WARS2: variants seen among roughly 807,000 people sequenced by gnomAD.
The protein encoded by WARS2 is tryptophan--tRNA ligase, mitochondrial.
A neutral mutation model predicts 36.5 loss-of-function variants in WARS2; 28 were observed. That is an observed-to-expected ratio of 0.77 (90% CI 0.57 to 1.05). The LOEUF is 1.05. WARS2 is among the 50% of genes least tolerant of loss of function. WARS2 has a pLI of 0.00. For missense variants in WARS2, 435 were observed against 456.8 expected (o/e 0.95, Z 0.44); for synonymous variants, 174 against 178.4 (o/e 0.98, Z 0.20).
At chr1:119,125,241 T>C (rs914630878) in intron 1 of WARS2, among the ~76,000 whole-genome samples, 3 of 152,146 alleles carry the variant, frequency 2.0e-5, no homozygotes, top group Admixed American at 6.5e-5. Flanking sequence ...GATGTCTACT[T>C]TGTACATGTT....
At chr1:119,103,115 T>A (rs1653987430) in intron 1 of WARS2, among the ~76,000 whole-genome samples, 1 of 152,248 alleles carries the variant, frequency 6.6e-6, no homozygotes, top group Non-Finnish European at 1.5e-5. Context: ...TTACCACTTG[T>A]GTCAAAGAAT....
intron 2 of WARS2, among the ~76,000 whole-genome samples, chr1:119,076,056 A>G (rs1031590819): frequency 1.3e-5 from 2 of 152,258 alleles, no homozygotes; most frequent in Admixed American, 6.5e-5. Context: ...GCAACCCAGC[A>G]TAGCAAAACA....
chr1:119,035,659 T>C (rs1252778517), intron 4 of WARS2, among the ~76,000 whole-genome samples: 1 of 152,166 alleles, frequency 6.6e-6, no homozygotes, highest in Non-Finnish European at 1.5e-5. Flanking sequence ...AGAGCTGACA[T>C]ACCACAAATA....
intron 1 of WARS2, among the ~76,000 whole-genome samples, chr1:119,138,907 G>A (rs1408838166): frequency 4.6e-5 from 7 of 152,122 alleles, no homozygotes; most frequent in Non-Finnish European, 8.8e-5. Flanking sequence ...CAATAGTAGA[G>A]GTTTAAGAAA....
chr1:119,048,009 C>A (rs1414081444), intron 2 of WARS2, among the ~76,000 whole-genome samples: 1 of 152,110 alleles, frequency 6.6e-6, no homozygotes, highest in East Asian at 1.9e-4. Flanking sequence ...ATACAATGTA[C>A]CTCAGGAAAT....
chr1:119,066,477 CAAAAAAAAAAA>C (rs34709639), intron 2 of WARS2, among the ~76,000 whole-genome samples: 32 of 46,498 alleles, frequency 6.9e-4, no homozygotes, highest in Admixed American at 1.1e-3. Context: ...GGCTCTGTCT[CAAAAAAAAAAA>C]AAAAAAAAAA....
intron 1 of WARS2, among the ~76,000 whole-genome samples, chr1:119,081,574 A>G (rs1304339277): frequency 6.6e-6 from 1 of 152,236 alleles, no homozygotes; most frequent in African/African-American, 2.4e-5. Flanking sequence ...CACAGATTGT[A>G]ATAAAAAAGT....
At chr1:119,038,839 C>A (rs922063825) in intron 4 of WARS2, among the ~76,000 whole-genome samples, 1 of 152,068 alleles carries the variant, frequency 6.6e-6, no homozygotes, top group Admixed American at 6.5e-5. Context: ...CACCACCACG[C>A]CCGGCTAATT....
At chr1:119,077,260 A>G (rs587677351) in intron 1 of WARS2, among the ~76,000 whole-genome samples, 1 of 152,304 alleles carries the variant, frequency 6.6e-6, no homozygotes, top group East Asian at 1.9e-4. Context: ...CCAGTTTGGA[A>G]TGATACAGAA....
At chr1:119,092,675 T>A (rs1330840860) in intron 1 of WARS2, among the ~76,000 whole-genome samples, 1 of 152,236 alleles carries the variant, frequency 6.6e-6, no homozygotes, top group Non-Finnish European at 1.5e-5. Flanking sequence ...TTACTAGCTA[T>A]GTGATCTTTG....
chr1:119,110,608 T>C (rs1404546492), intron 1 of WARS2, among the ~76,000 whole-genome samples: 1 of 152,010 alleles, frequency 6.6e-6, no homozygotes, highest in East Asian at 1.9e-4. Context: ...GGTATAGTTT[T>C]GGGGGTTTTA....
chr1:119,117,025 GGCTAAGGCAAGATCTCA>G (rs1420206043), intron 1 of WARS2, among the ~76,000 whole-genome samples: 2 of 152,308 alleles, frequency 1.3e-5, no homozygotes, highest in African/African-American at 4.8e-5. Flanking sequence ...GAGGCTTTTA[GGCTAAGGCAAGATCTCA>G]GCCCTGCTCT....
chr1:119,118,049 A>T lies in WARS2; in HGVS notation c.90+22506T>A, dbSNP rs181806707. 3.3e-3 allele frequency among the ~76,000 whole-genome samples: 497 copies of T among 152,336 alleles called. 4 individuals are homozygous for T. The highest frequency in any genetic ancestry group is 6.8e-3 in the Admixed American group (104 of 15,292). ...TATAACACCCACAAAAGATCACAGT[A>T]GCTCTTCAGCAATGGCTCTAAACCA... On this transcript the variant is annotated intron_variant, in intron 1 of 5. Coordinates refer to ENST00000235521, the MANE Select transcript of WARS2 (RefSeq NM_015836.4).
In WARS2 at chr1:119,034,150, T is replaced by C; in HGVS notation, c.579A>G (p.Ala193=). 6.2e-7 allele frequency: 1 copy of C among 1,614,106 alleles called. No homozygotes were observed. Among genetic ancestry groups the C allele is most frequent in the Non-Finnish European group, 8.5e-7 (1 of 1,179,940 alleles). The change falls in exon 5 of 6, where the codon GCA becomes GCG. Residue 193 remains alanine, a synonymous_variant. Transcript: ENST00000235521. ...CCCCATACTTCTTGTTGAAACCTTG[T>C]GCTAGATCCTGAACTAGTTCCATGT... ...VQHMELVQDL[A]QGFNKKYGEF...
At chr1:119,113,082 T>C (rs587655452) in intron 1 of WARS2, among the ~76,000 whole-genome samples, 79 of 152,308 alleles carry the variant, frequency 5.2e-4, no homozygotes, top group African/African-American at 1.8e-3. Flanking sequence ...GTTTAGAGAT[T>C]AGAATGCTAA....
chr1:119,066,222 A>G (rs528805229), intron 2 of WARS2, among the ~76,000 whole-genome samples: 2 of 152,200 alleles, frequency 1.3e-5, no homozygotes, highest in Non-Finnish European at 2.9e-5. Context: ...TCACGCCTGT[A>G]ATCCCAGCAC....
chr1:119,045,967 T>C (rs1233835761), intron 2 of WARS2, among the ~76,000 whole-genome samples: 1 of 152,128 alleles, frequency 6.6e-6, no homozygotes, highest in African/African-American at 2.4e-5. Flanking sequence ...ATCTGTTCTA[T>C]CTGTAAAAAG....
At chr1:119,089,413 T>C (rs957073346) in intron 1 of WARS2, among the ~76,000 whole-genome samples, 5 of 152,166 alleles carry the variant, frequency 3.3e-5, no homozygotes, top group Admixed American at 6.5e-5. Context: ...TAAAATATGA[T>C]TGTGATAACT....
At position 119,031,666 on chromosome 1, in the gene WARS2, G is replaced by A. The variant is rs12030972; in HGVS notation, c.*1245C>T. ...GTTAGGATTATCATTTTCATTTTCA[G>A]GTGTCAGAAATGGAAGTGCAGAAAA... On this transcript the variant is annotated 3_prime_UTR_variant, in exon 6 of 6. Coordinates refer to ENST00000235521, the MANE Select transcript of WARS2 (RefSeq NM_015836.4). The A allele has an allele frequency of 0.17, 25,988 of 152,088 alleles. 3,343 individuals carry two copies. The highest frequency in any genetic ancestry group is 0.48 in the East Asian group (2,468 of 5,172). The allele number at this position is 152,088 out of a possible 1,614,324, so 9.4% of individuals were successfully genotyped here.
Sources: gnomAD v4.1 joint callset for allele counts (sites outside exome capture counted in the v4.1 genomes callset) on GRCh38, gnomAD v4.1.1 for gene constraint, MANE v1.5 for transcripts, NCBI Gene and HGNC (gene_info 2026-07-23, HGNC 2026-07-21) for gene names.